The following MSRA variants were observed in gnomAD, a reference collection of about 807,000 sequenced individuals.
MSRA encodes the protein methionine sulfoxide reductase A.
MSRA carries 54 observed loss-of-function variants against 31.3 expected under a neutral mutation model. The ratio of observed to expected loss-of-function variants is 1.73; its 90% CI spans 1.39 to 2.17. MSRA has a LOEUF of 2.17. MSRA is among the 30% of genes most tolerant of loss of function. The probability of loss-of-function intolerance (pLI) is 0.00; values close to 1 mark genes in which losing one functional copy is unlikely to be tolerated. For synonymous variants in MSRA, 169 were observed against 116.5 expected, an observed-to-expected ratio of 1.45 and a Z score of -2.90; for missense variants, 507 against 300.9, an observed-to-expected ratio of 1.69 and a Z score of -5.07.
At chr8:10,096,375 G>A in intron 1 of MSRA, 1 of 891,278 alleles carries the variant, frequency 1.1e-6, no homozygotes, top group Non-Finnish European at 1.4e-6. Flanking sequence ...TTTGGGAGGT[G>A]GGTGGGGAGG....
At chr8:10,299,059 G>A (rs1300566247) in intron 3 of MSRA, among the ~76,000 whole-genome samples, 1 of 152,098 alleles carries the variant, frequency 6.6e-6, no homozygotes, top group Non-Finnish European at 1.5e-5. Flanking sequence ...GCACTAAGAT[G>A]CTTCTAAGCA....
intron 1 of MSRA, among the ~76,000 whole-genome samples, chr8:10,192,173 C>A (rs28507571): frequency 6.6e-6 from 1 of 152,202 alleles, no homozygotes; most frequent in South Asian, 2.1e-4. Flanking sequence ...CATCCACTCA[C>A]GGAATCAAAC....
At chr8:10,389,614 C>T (rs112242256) in intron 5 of MSRA, among the ~76,000 whole-genome samples, 8 of 152,200 alleles carry the variant, frequency 5.3e-5, no homozygotes, top group Non-Finnish European at 7.3e-5. Flanking sequence ...GCCCACCCAC[C>T]GGGGAGCAGG....
chr8:10,335,250 GT>G (rs1170264568), intron 5 of MSRA, among the ~76,000 whole-genome samples: 8,129 of 79,926 alleles, frequency 0.1, 139 homozygotes, highest in Non-Finnish European at 0.14. Context: ...TCCCAGCTCT[GT>G]TTTTTTTTTT....
chr8:10,159,206 G>C (rs1804428434), intron 1 of MSRA, among the ~76,000 whole-genome samples: 1 of 152,206 alleles, frequency 6.6e-6, no homozygotes, highest in African/African-American at 2.4e-5. Flanking sequence ...TCAGATGTGA[G>C]GATTGGGGAG....
intron 2 of MSRA, among the ~76,000 whole-genome samples, chr8:10,228,485 G>A (rs1286378942): frequency 6.6e-6 from 1 of 152,012 alleles, no homozygotes; most frequent in Non-Finnish European, 1.5e-5. Context: ...CATTTATCAG[G>A]TGCCACTGAA....
intron 5 of MSRA, among the ~76,000 whole-genome samples, chr8:10,348,438 C>T (rs545966133): frequency 5.5e-5 from 7 of 126,224 alleles, no homozygotes; most frequent in Admixed American, 3.2e-4. Context: ...GGCGTGATCT[C>T]GGCTCACTGC....
Position 10,389,915 on chromosome 8 carries a change from C to T in MSRA, c.544-38233C>T, listed in dbSNP as rs527646967. On this transcript the variant is annotated intron_variant, in intron 5 of 5. Coordinates refer to ENST00000317173, the MANE Select transcript of MSRA (RefSeq NM_012331.5). ...ATCGCCCATGGTGCACGGAGCTGCG[C>T]TCAGGCCCAAACGGTCAGATTCTGC... Among the ~76,000 whole-genome samples, 3 of 152,240 alleles carry T rather than the reference C, an allele frequency of 2.0e-5. No homozygotes were observed. In the South Asian group the frequency reaches 6.2e-4, roughly 32 times the overall value.
chr8:10,138,456 C>T (rs1802456685), intron 1 of MSRA, among the ~76,000 whole-genome samples: 1 of 152,136 alleles, frequency 6.6e-6, no homozygotes, highest in African/African-American at 2.4e-5. Flanking sequence ...ACACACAGCC[C>T]ACCAGTTTTC....
At position 10,139,578 on chromosome 8, in the gene MSRA, A is replaced by G. The variant is rs541856995; in HGVS notation, c.143-68255A>G. On this transcript the variant is annotated intron_variant, in intron 1 of 5. Transcript: ENST00000317173. ...TTTTACACTCTCTATGTCCATGTAT[A>G]CACATTATTTGGCTGCCACTTACAT... Among the ~76,000 whole-genome samples, 10 of 152,276 alleles carry G rather than the reference A, an allele frequency of 6.6e-5. No homozygotes were observed. In the South Asian group the frequency reaches 1.9e-3, roughly 28 times the overall value.
At chr8:10,128,380 CAA>C (rs546837619) in intron 1 of MSRA, among the ~76,000 whole-genome samples, 2 of 133,276 alleles carry the variant, frequency 1.5e-5, no homozygotes. Context: ...ACTCTTGTCT[CAA>C]AAAAAAAAAA....
chr8:10,215,451 G>A (rs536675400), intron 2 of MSRA, among the ~76,000 whole-genome samples: 2 of 152,314 alleles, frequency 1.3e-5, no homozygotes, highest in African/African-American at 4.8e-5. Flanking sequence ...GGTGCTCCCT[G>A]GCAGACCACC....
intron 1 of MSRA, among the ~76,000 whole-genome samples, chr8:10,095,013 G>A (rs1026024283): frequency 6.6e-6 from 1 of 152,160 alleles, no homozygotes; most frequent in Non-Finnish European, 1.5e-5. Context: ...AAATAAAGTT[G>A]CAGATCAATC....
intron 2 of MSRA, among the ~76,000 whole-genome samples, chr8:10,228,206 C>T (rs891260319): frequency 2.6e-5 from 4 of 152,142 alleles, no homozygotes; most frequent in Non-Finnish European, 4.4e-5. Context: ...CAAGGACCTA[C>T]AGCTATCCAG....
At chr8:10,340,466 G>A (rs557205990) in intron 5 of MSRA, among the ~76,000 whole-genome samples, 10 of 152,300 alleles carry the variant, frequency 6.6e-5, no homozygotes, top group Admixed American at 5.9e-4. Context: ...TTCGCCTCCC[G>A]GCTTCAAGTG....
chr8:10,218,041 G>C (rs1810153114), intron 2 of MSRA, among the ~76,000 whole-genome samples: 1 of 152,072 alleles, frequency 6.6e-6, no homozygotes, highest in Non-Finnish European at 1.5e-5. Flanking sequence ...CAAACCGAGA[G>C]TGAGAGGGCT....
At chr8:10,259,589 A>G (rs1260365344) in intron 3 of MSRA, among the ~76,000 whole-genome samples, 1 of 152,004 alleles carries the variant, frequency 6.6e-6, no homozygotes, top group Non-Finnish European at 1.5e-5. Flanking sequence ...TCTTCTGAGT[A>G]CTTACTAGGT....
chr8:10,054,690 G>T, intron 1 of MSRA, 32 bp downstream of exon 1: 5 of 1,483,382 alleles, frequency 3.4e-6, no homozygotes, highest in Non-Finnish European at 4.5e-6. Context: ...GGCGCGGGCG[G>T]CGACGCTGCG....
At chr8:10,057,625 C>A (rs1427167523) in intron 1 of MSRA, among the ~76,000 whole-genome samples, 12 of 152,174 alleles carry the variant, frequency 7.9e-5, no homozygotes. Flanking sequence ...GTGATTGAAA[C>A]ATGCGGGGGG....
Sources: gnomAD v4.1 joint callset for allele counts (sites outside exome capture counted in the v4.1 genomes callset) on GRCh38, gnomAD v4.1.1 for gene constraint, MANE v1.5 for transcripts, NCBI Gene and HGNC (gene_info 2026-07-23, HGNC 2026-07-21) for gene names.